CDKAL1: variants seen among roughly 807,000 people sequenced by gnomAD.
The protein encoded by CDKAL1 is CDKAL1 threonylcarbamoyladenosine tRNA methylthiotransferase.
Under a neutral mutation model 68.2 loss-of-function variants are expected in CDKAL1, and 32 were observed. The observed-to-expected ratio is 0.47, with a 90% CI of 0.35 to 0.63. The LOEUF (loss-of-function observed/expected upper bound fraction) is 0.63, where lower values mean the gene tolerates loss of function less well. CDKAL1 is among the 30% of genes least tolerant of loss of function. The pLI, the probability that CDKAL1 is intolerant of heterozygous loss-of-function variation, is 0.00. For missense variants in CDKAL1, 606 were observed against 696.7 expected (o/e 0.87, Z 1.47); for synonymous variants, 234 against 244.3 (o/e 0.96, Z 0.39).
intron 13 of CDKAL1, among the ~76,000 whole-genome samples, chr6:21,120,343 G>T (rs983914693): frequency 6.6e-6 from 1 of 152,204 alleles, no homozygotes; most frequent in Non-Finnish European, 1.5e-5. Context: ...AGCAAATTCA[G>T]GGCTAAAATC....
At chr6:20,870,633 G>A (rs1247072321) in intron 9 of CDKAL1, among the ~76,000 whole-genome samples, 5 of 152,118 alleles carry the variant, frequency 3.3e-5, no homozygotes, top group Non-Finnish European at 7.4e-5. Flanking sequence ...CATTTGCTCT[G>A]TCATCTGTTT....
intron 8 of CDKAL1, among the ~76,000 whole-genome samples, chr6:20,813,357 T>A (rs796958733): frequency 3.3e-4 from 50 of 152,338 alleles, no homozygotes; most frequent in African/African-American, 1.2e-3. Flanking sequence ...AGATACAAGT[T>A]CTTTATTGGC....
intron 11 of CDKAL1, among the ~76,000 whole-genome samples, chr6:21,025,512 C>T (rs539069095): frequency 6.6e-6 from 1 of 152,038 alleles, no homozygotes; most frequent in African/African-American, 2.4e-5. Flanking sequence ...GCTGTCCCAC[C>T]TGACTTCTCT....
At chr6:20,575,441 C>CAAAAAAAAAAAAAAAAAAA (rs57442477) in intron 4 of CDKAL1, among the ~76,000 whole-genome samples, 2 of 94,336 alleles carry the variant, frequency 2.1e-5, no homozygotes, top group Non-Finnish European at 4.3e-5. Flanking sequence ...AGGGGCACCA[C>CAAAAAAAAAAAAAAAAAAA]AAAAAAAAAA....
chr6:21,129,493 T>C (rs1775179399), intron 13 of CDKAL1, among the ~76,000 whole-genome samples: 2 of 152,044 alleles, frequency 1.3e-5, no homozygotes, highest in Admixed American at 1.3e-4. Context: ...CTCAAAAAGC[T>C]AACTGACATA....
chr6:20,864,225 C>G (rs186748513), intron 9 of CDKAL1, among the ~76,000 whole-genome samples: 1 of 864 alleles, frequency 1.2e-3, no homozygotes, highest in Non-Finnish European at 2.2e-3. Flanking sequence ...TTTTACTTAA[C>G]TGCAACTGAC....
intron 8 of CDKAL1, among the ~76,000 whole-genome samples, chr6:20,831,785 C>T (rs571331842): frequency 2.6e-5 from 4 of 152,124 alleles, no homozygotes; most frequent in African/African-American, 7.2e-5. Flanking sequence ...TTTTGATTTC[C>T]GGTCAGCTCA....
At chr6:20,559,863 G>A (rs888613062) in intron 4 of CDKAL1, among the ~76,000 whole-genome samples, 6 of 151,880 alleles carry the variant, frequency 4.0e-5, no homozygotes, top group Non-Finnish European at 8.8e-5. Context: ...AAATATTTTT[G>A]GGATAATTTA....
chr6:20,602,204 A>G (rs907373636), intron 4 of CDKAL1, among the ~76,000 whole-genome samples: 1 of 152,162 alleles, frequency 6.6e-6, no homozygotes, highest in African/African-American at 2.4e-5. Context: ...TCTACTCAGT[A>G]TGGGGGCACA....
At chr6:21,115,554 G>C (rs530566372) in intron 13 of CDKAL1, among the ~76,000 whole-genome samples, 34 of 152,340 alleles carry the variant, frequency 2.2e-4, no homozygotes, top group African/African-American at 7.9e-4. Context: ...ATTGTCCAAA[G>C]CCATTTGTGC....
chr6:20,724,570 A>T (rs116757478), intron 5 of CDKAL1, among the ~76,000 whole-genome samples: 1,850 of 152,074 alleles, frequency 0.012, 41 homozygotes, highest in African/African-American at 0.041. Context: ...AGAAAAAAAA[A>T]GCTGAGAGTG....
At chr6:20,628,152 G>C (rs924354553) in intron 4 of CDKAL1, among the ~76,000 whole-genome samples, 6 of 152,008 alleles carry the variant, frequency 3.9e-5, no homozygotes, top group African/African-American at 1.4e-4. Context: ...TGGTGAGGGT[G>C]GTCATCCCTA....
At chr6:20,927,345 C>T (rs1461426972) in intron 9 of CDKAL1, among the ~76,000 whole-genome samples, 1 of 152,112 alleles carries the variant, frequency 6.6e-6, no homozygotes, top group Non-Finnish European at 1.5e-5. Flanking sequence ...GGCAAGAATT[C>T]CACCAATTCC....
At chr6:20,967,021 C>G (rs570533477) in intron 10 of CDKAL1, among the ~76,000 whole-genome samples, 2 of 152,114 alleles carry the variant, frequency 1.3e-5, no homozygotes, top group African/African-American at 4.8e-5. Context: ...GTTCTTGTCC[C>G]GCAGCTTCTA....
At chr6:20,987,255 CTGGAAACTTTTTT>C (rs1766518067) in intron 10 of CDKAL1, among the ~76,000 whole-genome samples, 1 of 148,398 alleles carries the variant, frequency 6.7e-6, no homozygotes, top group African/African-American at 2.5e-5. Context: ...TGCAGTTTGT[CTGGAAACTTTTTT>C]TTTTTTTTTT....
At chr6:20,695,548 AGCTTCT>A (rs1771072684) in intron 5 of CDKAL1, among the ~76,000 whole-genome samples, 1 of 152,084 alleles carries the variant, frequency 6.6e-6, no homozygotes, top group Non-Finnish European at 1.5e-5. Context: ...ATTACTAGAG[AGCTTCT>A]GCTTGTTCAT....
intron 11 of CDKAL1, among the ~76,000 whole-genome samples, chr6:21,024,040 TAGAG>T (rs200609047): frequency 0.01 from 1,547 of 152,300 alleles, 28 homozygotes; most frequent in African/African-American, 0.036. Flanking sequence ...AAATATATGA[TAGAG>T]AGTAAAATAA....
chr6:20,846,233 C>T (rs1778370351), intron 9 of CDKAL1, 55 bp downstream of exon 9: 1 of 1,100,402 alleles, frequency 9.1e-7, no homozygotes, highest in Non-Finnish European at 1.4e-6. Context: ...ATTATGTTAG[C>T]CTTCTAAGTA....
At chr6:20,599,441 G>C in intron 4 of CDKAL1, 3 of 433,820 alleles carry the variant, frequency 6.9e-6, no homozygotes, top group South Asian at 5.0e-5. Context: ...ACTCTTTCTG[G>C]AACTGTTTTT....
Sources: allele counts gnomAD v4.1 joint callset (sites outside exome capture counted in the v4.1 genomes callset), GRCh38; gene constraint gnomAD v4.1.1; transcripts MANE v1.5; gene names NCBI Gene and HGNC (gene_info 2026-07-23, HGNC 2026-07-21).